NRXN3: variants seen among roughly 807,000 people sequenced by gnomAD.
NRXN3 encodes the protein neurexin 3, also known as neurexin III.
In NRXN3, 32 loss-of-function variants were observed where a neutral mutation model predicts 137.6. The observed-to-expected ratio is 0.23, with a 90% CI of 0.18 to 0.31. NRXN3 has a LOEUF of 0.31. Ranked by LOEUF, NRXN3 falls within the 10% of genes least tolerant of loss-of-function variation. The pLI, the probability that NRXN3 is intolerant of heterozygous loss-of-function variation, is 1.00. For synonymous variants in NRXN3, 798 were observed against 784.5 expected, an observed-to-expected ratio of 1.02 and a Z score of -0.29; for missense variants, 1,574 against 2,062.5, an observed-to-expected ratio of 0.76 and a Z score of 4.59.
chr14:78,593,732 T>C (rs966864964), intron 4 of NRXN3, among the ~76,000 whole-genome samples: 12 of 152,072 alleles, frequency 7.9e-5, no homozygotes, highest in African/African-American at 2.9e-4. Flanking sequence ...TAACCCAGCA[T>C]AGAGGACCTG....
At chr14:79,561,253 A>G (rs555988367) in intron 16 of NRXN3, among the ~76,000 whole-genome samples, 1 of 152,346 alleles carries the variant, frequency 6.6e-6, no homozygotes, top group Non-Finnish European at 1.5e-5. Context: ...ACCAGAAAGA[A>G]AATGAGAGTA....
chr14:78,892,990 G>A (rs140807014), intron 10 of NRXN3, among the ~76,000 whole-genome samples: 9 of 151,952 alleles, frequency 5.9e-5, no homozygotes, highest in Admixed American at 1.3e-4. Flanking sequence ...TAATTCCAGC[G>A]TCTCAACTAG....
intron 4 of NRXN3, among the ~76,000 whole-genome samples, chr14:78,369,466 T>C (rs1597866345): frequency 1.3e-5 from 2 of 152,168 alleles, no homozygotes; most frequent in African/African-American, 4.8e-5. Context: ...ACCTACCTTC[T>C]CTTGGATGTG....
chr14:79,378,999 T>A (rs988610724), intron 15 of NRXN3, among the ~76,000 whole-genome samples: 1 of 152,214 alleles, frequency 6.6e-6, no homozygotes, highest in Non-Finnish European at 1.5e-5. Context: ...TACGTTGTGT[T>A]ATCTTTCTGC....
intron 15 of NRXN3, among the ~76,000 whole-genome samples, chr14:79,436,286 ATTC>A (rs533339575): frequency 6.6e-6 from 1 of 152,110 alleles, no homozygotes; most frequent in South Asian, 2.1e-4. Flanking sequence ...AGTAGTAGTT[ATTC>A]TTCTTTTTCT....
chr14:78,922,961 T>G (rs1213163626), intron 10 of NRXN3, among the ~76,000 whole-genome samples: 1 of 152,230 alleles, frequency 6.6e-6, no homozygotes, highest in East Asian at 1.9e-4. Context: ...GGGTTTCCAC[T>G]AAGTGGTGCC....
intron 15 of NRXN3, among the ~76,000 whole-genome samples, chr14:79,293,901 G>A (rs980744286): frequency 2.0e-5 from 3 of 152,218 alleles, no homozygotes; most frequent in Admixed American, 6.5e-5. Flanking sequence ...TGAAAAGAAA[G>A]AGGAAAGAGA....
intron 4 of NRXN3, among the ~76,000 whole-genome samples, chr14:78,629,618 C>T (rs187020127): frequency 6.6e-6 from 1 of 152,318 alleles, no homozygotes; most frequent in East Asian, 1.9e-4. Context: ...TCATTCCATA[C>T]AACGTAATTA....
intron 8 of NRXN3, among the ~76,000 whole-genome samples, chr14:78,769,286 T>C (rs1292687632): frequency 6.6e-6 from 1 of 152,222 alleles, no homozygotes; most frequent in African/African-American, 2.4e-5. Context: ...TGTCGCTGTA[T>C]CCAAATTTCC....
intron 15 of NRXN3, among the ~76,000 whole-genome samples, chr14:79,294,819 T>C (rs1231078283): frequency 1.3e-5 from 2 of 152,210 alleles, no homozygotes; most frequent in Non-Finnish European, 2.9e-5. Flanking sequence ...ATGTGAAACA[T>C]GAGCTTTGTC....
rs896084194 is a variant in NRXN3 at position 79,213,445 on chromosome 14, A to G, written c.3262+225304A>G. 4.6e-5 allele frequency among the ~76,000 whole-genome samples: 7 copies of G among 152,320 alleles called. No individual in the cohort carries two copies. In the East Asian group the frequency reaches 1.2e-3, roughly 25 times the overall value. ...CAGAACATAATACAGTAAAAAGACAATGTGATCCTTTTCATGTGGCATTTT... is the reference window on the plus strand; with the variant it reads ...CAGAACATAATACAGTAAAAAGACAGTGTGATCCTTTTCATGTGGCATTTT... On this transcript the variant is annotated intron_variant, in intron 15 of 20. Transcript: ENST00000335750.
chr14:79,835,258 A>G (rs2099336716), intron 20 of NRXN3, among the ~76,000 whole-genome samples: 1 of 152,166 alleles, frequency 6.6e-6, no homozygotes, highest in African/African-American at 2.4e-5. Context: ...CAACTTGTAT[A>G]CATTTCAAAA....
At chr14:79,143,214 A>T (rs900963921) in intron 15 of NRXN3, among the ~76,000 whole-genome samples, 1 of 152,168 alleles carries the variant, frequency 6.6e-6, no homozygotes, top group African/African-American at 2.4e-5. Context: ...CTCAGCACAT[A>T]TTTGATGAAT....
intron 4 of NRXN3, among the ~76,000 whole-genome samples, chr14:78,487,278 C>G (rs150928708): frequency 1.3e-5 from 2 of 152,250 alleles, no homozygotes; most frequent in African/African-American, 2.4e-5. Flanking sequence ...TTTTGACACA[C>G]AAGTGGCTTT....
intron 17 of NRXN3, among the ~76,000 whole-genome samples, chr14:79,682,788 A>T (rs1388473927): frequency 6.6e-6 from 1 of 152,108 alleles, no homozygotes; most frequent in Non-Finnish European, 1.5e-5. Context: ...ATAAGCTATA[A>T]ATCCCAGCAA....
At chr14:78,417,537 G>A (rs1285187521) in intron 4 of NRXN3, among the ~76,000 whole-genome samples, 5 of 152,180 alleles carry the variant, frequency 3.3e-5, no homozygotes, top group Admixed American at 2.0e-4. Context: ...GATGGACTGT[G>A]AGCTCCTTGA....
chr14:78,406,674 G>C (rs570986436), intron 4 of NRXN3, among the ~76,000 whole-genome samples: 1 of 152,322 alleles, frequency 6.6e-6, no homozygotes, highest in South Asian at 2.1e-4. Flanking sequence ...TAAGATGCCA[G>C]TCTTCTGATG....
chr14:78,575,676 T>C (rs2152333008), intron 4 of NRXN3, among the ~76,000 whole-genome samples: 1 of 152,232 alleles, frequency 6.6e-6, no homozygotes, highest in East Asian at 1.9e-4. Flanking sequence ...AATAAATAAA[T>C]ATACAGTATT....
intron 16 of NRXN3, among the ~76,000 whole-genome samples, chr14:79,639,490 G>C (rs1420416932): frequency 6.6e-6 from 1 of 151,646 alleles, no homozygotes; most frequent in Non-Finnish European, 1.5e-5. Flanking sequence ...TTTTTTCATG[G>C]AGTTGTTTAA....
Sources: gnomAD v4.1 joint callset for allele counts (sites outside exome capture counted in the v4.1 genomes callset) on GRCh38, gnomAD v4.1.1 for gene constraint, MANE v1.5 for transcripts, NCBI Gene and HGNC (gene_info 2026-07-23, HGNC 2026-07-21) for gene names.